Variants in LRRC61 observed in about 807,000 individuals in gnomAD.
The protein encoded by LRRC61 is leucine-rich repeat-containing protein 61.
Under a neutral mutation model 15.1 loss-of-function variants are expected in LRRC61, and 9 were observed. The observed-to-expected ratio is 0.60, with a 90% CI of 0.36 to 1.04. LRRC61 has a LOEUF of 1.04. Among genes scored for constraint, LRRC61 ranks in the 50% least tolerant of loss-of-function variants. The probability of loss-of-function intolerance (pLI) is 0.01; values close to 1 mark genes in which losing one functional copy is unlikely to be tolerated. For synonymous variants in LRRC61, 173 were observed against 158.6 expected, an observed-to-expected ratio of 1.09 and a Z score of -0.68; for missense variants, 344 against 335.6, an observed-to-expected ratio of 1.03 and a Z score of -0.20.
At chr7:150,309,919 TA>T in the LRRC61 span, among the ~76,000 whole-genome samples, 1 of 152,146 alleles carries the variant, frequency 6.6e-6, no homozygotes, top group East Asian at 1.9e-4. Flanking sequence ...GTCCCCTTTT[TA>T]ATTGATATGG....
rs1253237008 is a variant in LRRC61, at chr7:150,336,838, G to C, written c.-24G>C. 1.9e-6 allele frequency: 3 copies of C among 1,582,518 alleles called. No individual in the cohort carries two copies. The highest frequency in any genetic ancestry group is 1.7e-5 in the Admixed American group (1 of 58,844). ...CTGTGACAGTCCTGCCAGGGCCCAG[G>C]CCATCCCAACCGACTTCCATCTCAT... On this transcript the variant is annotated 5_prime_UTR_variant, in exon 3 of 3. Coordinates refer to ENST00000359623, the MANE Select transcript of LRRC61 (RefSeq NM_001142928.2).
chr7:150,337,296 C>T lies in LRRC61; in HGVS notation c.435C>T (p.Ser145=), dbSNP rs1199298693. Residue 145 remains serine (S), a synonymous_variant, in exon 3 of 3, where the codon TCC becomes TCT. Transcript: ENST00000359623. Reference sequence around the variant, plus strand: ...GCAACCCGCTCTGTGCCAACCCCTCCTACTGGGCTGCAGTCCGGGAGCTGC... The same window carrying T: ...GCAACCCGCTCTGTGCCAACCCCTCTTACTGGGCTGCAGTCCGGGAGCTGC... ...RLSNPLCANP[S]YWAAVRELLP... is the part of the protein sequence containing the mutation. 4 of 1,603,430 alleles carry T rather than the reference C, an allele frequency of 2.5e-6. No individual in the cohort carries two copies. Among genetic ancestry groups the T allele is most frequent in the Admixed American group, 3.3e-5 (2 of 60,006 alleles).
intron 2 of LRRC61, among the ~76,000 whole-genome samples, 192 bp from the exon 3 acceptor site, chr7:150,336,525 TC>T (rs1798297394): frequency 6.6e-6 from 1 of 152,206 alleles, no homozygotes; most frequent in Non-Finnish European, 1.5e-5. Context: ...TCTGGGCTGC[TC>T]CCCTTGGGTT....
upstream of LRRC61, among the ~76,000 whole-genome samples, chr7:150,318,594 T>C (rs571658930): frequency 6.6e-6 from 1 of 152,320 alleles, no homozygotes; most frequent in African/African-American, 2.4e-5. Context: ...AAATCCCATC[T>C]GTACTAAAAA....
rs148451290 is a variant in LRRC61 at position 150,337,242 on chromosome 7, G to A, written c.381G>A (p.Leu127=). The A allele has an allele frequency of 6.6e-4, 1,057 of 1,604,078 alleles. 9 individuals carry two copies. In the African/African-American group the frequency reaches 0.013, roughly 20 times the overall value. Residue 127 remains leucine, a synonymous_variant, in exon 3 of 3, where the codon CTG becomes CTA. Transcript: ENST00000359623. ...CLAGLPCLEY[L]RLRDPLARLS... is the part of the protein sequence containing the mutation. The stretch of plus-strand genomic sequence containing the variant: ...CTGGGCTACCGTGCCTGGAGTACCT[G>A]CGGCTCCGAGACCCTTTGGCCCGGC...
chr7:150,324,754 C>T (rs1205976170), intron 1 of LRRC61, among the ~76,000 whole-genome samples: 5 of 152,124 alleles, frequency 3.3e-5, no homozygotes, highest in African/African-American at 4.8e-5. Flanking sequence ...TTAGCCTCCC[C>T]GCTCTTCCCA....
In LRRC61 at chr7:150,323,545, C is replaced by T; in HGVS notation, c.-330C>T. 2.3e-6 allele frequency: 1 copy of T among 436,990 alleles called. No homozygotes were observed. 27.1% of individuals were successfully genotyped at this position (436,990 alleles called of 1,614,324 possible). On this transcript the variant is annotated 5_prime_UTR_variant, in exon 1 of 3. Coordinates refer to ENST00000359623, the MANE Select transcript of LRRC61 (RefSeq NM_001142928.2). ...CTTGGCCAGTGGCTCCGCAGGCTGCCGGCTCCACCCCTCAGGTAAGCGGGG... is the reference window on the plus strand; with the variant it reads ...CTTGGCCAGTGGCTCCGCAGGCTGCTGGCTCCACCCCTCAGGTAAGCGGGG...
At chr7:150,322,946 C>A (rs1275008585), upstream of LRRC61, 1 of 152,446 alleles carries the variant, frequency 6.6e-6, no homozygotes, top group African/African-American at 2.4e-5. Flanking sequence ...CGGACGAGGT[C>A]CGGGTCGCAC....
At chr7:150,310,633 C>T in the LRRC61 span, among the ~76,000 whole-genome samples, 1 of 152,126 alleles carries the variant, frequency 6.6e-6, no homozygotes, top group African/African-American at 2.4e-5. Flanking sequence ...TGCATCCCTC[C>T]TCCCAACCTC....
At chr7:150,318,382 G>A (rs60467296), upstream of LRRC61, among the ~76,000 whole-genome samples, 39,462 of 152,092 alleles carry the variant, frequency 0.26, 5,318 homozygotes, top group East Asian at 0.42. Flanking sequence ...AGAACCGTGA[G>A]ACAATACATT....
At chr7:150,311,000 C>A in the LRRC61 span, among the ~76,000 whole-genome samples, 2 of 152,116 alleles carry the variant, frequency 1.3e-5, no homozygotes, top group Non-Finnish European at 2.9e-5. Context: ...AGTTAATCTC[C>A]CAGGCCCCTA....
In LRRC61 at chr7:150,336,964, C is replaced by T. The variant is rs926928781; in HGVS notation, c.103C>T (p.Leu35=). ...CGAGTTCTCCCTGGAGTCCATCCTGCTACTGAAGCTGCGTGGCTTGGGACT... is the reference window on the plus strand; with the variant it reads ...CGAGTTCTCCCTGGAGTCCATCCTGTTACTGAAGCTGCGTGGCTTGGGACT... ...TGEFSLESIL[L]LKLRGLGLAD... Residue 35 remains leucine, a synonymous_variant, in exon 3 of 3, where the codon CTA becomes TTA. Coordinates refer to ENST00000359623, the MANE Select transcript of LRRC61 (RefSeq NM_001142928.2). The T allele has an allele frequency of 6.2e-7, 1 of 1,614,012 alleles. No homozygotes were observed.
the LRRC61 span, among the ~76,000 whole-genome samples, chr7:150,317,309 T>A: frequency 2.0e-5 from 3 of 152,208 alleles, no homozygotes; most frequent in African/African-American, 7.2e-5. Flanking sequence ...CTTGGTGGCC[T>A]CCCAAAGTGC....
upstream of LRRC61, among the ~76,000 whole-genome samples, chr7:150,321,940 C>T (rs71537956): frequency 3.9e-5 from 6 of 152,146 alleles, no homozygotes; most frequent in Non-Finnish European, 5.9e-5. Context: ...AGCCTGCCCC[C>T]GGGCCAGCCC....
In LRRC61 at chr7:150,337,527, G is replaced by C; in HGVS notation, c.666G>C (p.Gln222His). Residue 222 changes from glutamine to histidine, a missense_variant, in exon 3 of 3, where the codon CAG becomes CAC. Transcript: ENST00000359623. ...SSSILEEACR[Q>H]FQDTLQECWD... Reference sequence around the variant, plus strand: ...CCATCCTGGAGGAGGCCTGCCGGCAGTTCCAGGACACACTGCAGGAGTGCT... The same window carrying C: ...CCATCCTGGAGGAGGCCTGCCGGCACTTCCAGGACACACTGCAGGAGTGCT... 1 of 1,604,232 alleles carries C rather than the reference G, an allele frequency of 6.2e-7. No homozygotes were observed. The highest frequency in any genetic ancestry group is 8.5e-7 in the Non-Finnish European group (1 of 1,178,610).
intron 2 of LRRC61, chr7:150,331,753 G>A (rs1162420018): frequency 6.0e-6 from 1 of 167,206 alleles, no homozygotes; most frequent in Non-Finnish European, 1.5e-5. Flanking sequence ...GTGCTGGCAG[G>A]TGGGATATGT....
At chr7:150,324,297 G>A (rs1174415629) in intron 1 of LRRC61, 2 of 152,816 alleles carry the variant, frequency 1.3e-5, no homozygotes, top group African/African-American at 2.4e-5. Context: ...GGACTGGGCG[G>A]AGTGAGAAAG....
intron 2 of LRRC61, chr7:150,331,311 G>A (rs11978222): frequency 0.028 from 15,795 of 556,058 alleles, 741 homozygotes; most frequent in East Asian, 0.15. Flanking sequence ...AGGGTGGGAT[G>A]GCAGACATGG....
chr7:150,318,453 A>G (rs1797159766), upstream of LRRC61, among the ~76,000 whole-genome samples: 1 of 152,194 alleles, frequency 6.6e-6, no homozygotes, highest in African/African-American at 2.4e-5. Flanking sequence ...GAAAACTAAT[A>G]AAGATGCCAA....
Sources: allele counts gnomAD v4.1 joint callset (sites outside exome capture counted in the v4.1 genomes callset), GRCh38; gene constraint gnomAD v4.1.1; transcripts MANE v1.5; gene names NCBI Gene and HGNC (gene_info 2026-07-23, HGNC 2026-07-21).